The following ZPBP variants were observed in gnomAD, a reference collection of about 807,000 sequenced individuals.
ZPBP encodes zona pellucida-binding protein 1.
Under a neutral mutation model 44.8 loss-of-function variants are expected in ZPBP, and 26 were observed. That is an observed-to-expected ratio of 0.58 (90% CI 0.43 to 0.81). ZPBP has a LOEUF of 0.81. Among genes scored for constraint, ZPBP ranks in the 30% least tolerant of loss-of-function variants. ZPBP has a pLI of 0.00. For synonymous variants in ZPBP, 174 were observed against 153.2 expected (o/e 1.14, Z -1.00); for missense variants, 409 against 434.0 (o/e 0.94, Z 0.51).
At chr7:49,937,310 A>C (rs1293452921), downstream of ZPBP, 1 of 491,162 alleles carries the variant, frequency 2.0e-6, no homozygotes, top group Non-Finnish European at 3.6e-6. Flanking sequence ...ATGCAGTGAT[A>C]CTAGAAATAT....
chr7:49,848,254 C>T (rs748067025), downstream of ZPBP, among the ~76,000 whole-genome samples: 47 of 152,310 alleles, frequency 3.1e-4, no homozygotes, highest in Admixed American at 3.3e-4. Flanking sequence ...GCAGCACTAG[C>T]TGTCCAGAGA....
chr7:49,909,447 G>A (rs1351630421), intron 1 of ZPBP, among the ~76,000 whole-genome samples: 1 of 152,200 alleles, frequency 6.6e-6, no homozygotes, highest in African/African-American at 2.4e-5. Context: ...TAAGGAAAAT[G>A]CACTGCAGAG....
chr7:49,905,823 G>C (rs1421523154), intron 1 of ZPBP, among the ~76,000 whole-genome samples: 3 of 152,172 alleles, frequency 2.0e-5, no homozygotes, highest in Admixed American at 6.5e-5. Context: ...GATAAAACAG[G>C]CTGCAGTAAA....
intron 7 of ZPBP, 149 bp from the exon 8 acceptor site, chr7:49,937,771 C>T (rs1207211113): frequency 4.6e-6 from 3 of 650,026 alleles, no homozygotes; most frequent in Non-Finnish European, 8.0e-6. Context: ...TTTCATCTTG[C>T]AAAACTGCAA....
At chr7:49,910,550 T>C (rs1007323996) in intron 1 of ZPBP, among the ~76,000 whole-genome samples, 3 of 151,968 alleles carry the variant, frequency 2.0e-5, no homozygotes, top group African/African-American at 7.3e-5. Flanking sequence ...GAGCAGTTGC[T>C]CATAGCTGAA....
chr7:50,008,207 C>T (rs1798401469), intron 6 of ZPBP, among the ~76,000 whole-genome samples: 1 of 151,944 alleles, frequency 6.6e-6, no homozygotes, highest in African/African-American at 2.4e-5. Flanking sequence ...ATGCAAATAT[C>T]AGTTGTTTTC....
chr7:50,055,596 G>A (rs543934293), intron 4 of ZPBP, among the ~76,000 whole-genome samples: 9 of 152,120 alleles, frequency 5.9e-5, no homozygotes, highest in East Asian at 5.8e-4. Flanking sequence ...TTACATTTAC[G>A]AGACCAAAAA....
chr7:50,036,223 G>A (rs573394330), intron 4 of ZPBP, among the ~76,000 whole-genome samples: 4 of 152,240 alleles, frequency 2.6e-5, no homozygotes, highest in South Asian at 2.1e-4. Flanking sequence ...GCGTGATCTC[G>A]GCTCATTGCA....
intron 2 of ZPBP, chr7:49,901,117 C>T (rs1281703354): frequency 6.6e-6 from 1 of 151,936 alleles, no homozygotes; most frequent in Non-Finnish European, 1.5e-5. Context: ...ATCGTACTTA[C>T]TGTTGAGAAA....
intron 4 of ZPBP, among the ~76,000 whole-genome samples, chr7:50,050,788 CAAAAAAAAAAAAAAA>C (rs751875216): frequency 1.1e-4 from 3 of 26,846 alleles, no homozygotes; most frequent in African/African-American, 1.5e-4. Flanking sequence ...GACTCCGTCT[CAAAAAAAAAAAAAAA>C]AAAAAAAAAA....
At chr7:49,964,819 A>G (rs907505827) in intron 7 of ZPBP, among the ~76,000 whole-genome samples, 1 of 152,148 alleles carries the variant, frequency 6.6e-6, no homozygotes, top group Non-Finnish European at 1.5e-5. Flanking sequence ...TCTCTTGAAC[A>G]TAAGTGGATC....
chr7:49,938,727 C>A (rs1225325431), intron 7 of ZPBP, among the ~76,000 whole-genome samples: 4 of 152,092 alleles, frequency 2.6e-5, no homozygotes, highest in African/African-American at 9.7e-5. Flanking sequence ...TTTCCTGTTG[C>A]AAATGTGGTT....
intron 4 of ZPBP, among the ~76,000 whole-genome samples, chr7:50,043,010 T>C (rs955346926): frequency 3.3e-5 from 5 of 152,084 alleles, no homozygotes; most frequent in Admixed American, 6.6e-5. Context: ...CGCTGGAAGA[T>C]TGTGGGTTTA....
chr7:49,864,525 C>T (rs912276704), intron 2 of ZPBP, among the ~76,000 whole-genome samples: 1 of 152,206 alleles, frequency 6.6e-6, no homozygotes, highest in Non-Finnish European at 1.5e-5. Flanking sequence ...CTTTCTCCCT[C>T]ACTCTAGTAG....
At chr7:49,908,775 G>C (rs1478709498) in intron 1 of ZPBP, among the ~76,000 whole-genome samples, 1 of 152,212 alleles carries the variant, frequency 6.6e-6, no homozygotes, top group Non-Finnish European at 1.5e-5. Context: ...GATTAAAGGA[G>C]TGTGTCAAAA....
intron 6 of ZPBP, among the ~76,000 whole-genome samples, chr7:49,986,638 C>CT (rs57576804): frequency 1.1e-4 from 16 of 150,126 alleles, no homozygotes; most frequent in East Asian, 3.9e-4. Context: ...AGCTGTTTTT[C>CT]TTTTTTTTTT....
At chr7:50,041,667 A>G (rs1401583607) in intron 4 of ZPBP, among the ~76,000 whole-genome samples, 2 of 152,180 alleles carry the variant, frequency 1.3e-5, no homozygotes. Flanking sequence ...AACATCTCCA[A>G]AGGTCACCAA....
intron 6 of ZPBP, among the ~76,000 whole-genome samples, chr7:49,997,189 C>A (rs1039460805): frequency 2.6e-5 from 4 of 152,164 alleles, no homozygotes; most frequent in Non-Finnish European, 5.9e-5. Context: ...CCTTTGAATT[C>A]CTTTGTCTAC....
At chr7:49,872,915 CAAAAAAAAAAA>C (rs61473396) in intron 2 of ZPBP, among the ~76,000 whole-genome samples, 2 of 33,960 alleles carry the variant, frequency 5.9e-5, no homozygotes, top group African/African-American at 2.1e-4. Context: ...GACTTTGTCT[CAAAAAAAAAAA>C]AAAAAAAAAA....
Sources: gnomAD v4.1 joint callset for allele counts (sites outside exome capture counted in the v4.1 genomes callset) on GRCh38, gnomAD v4.1.1 for gene constraint, MANE v1.5 for transcripts, NCBI Gene and HGNC (gene_info 2026-07-23, HGNC 2026-07-21) for gene names.